The following ZNF813 variants were observed in gnomAD, a reference collection of about 807,000 sequenced individuals.
The protein encoded by ZNF813 is zinc finger protein 813.
A neutral mutation model predicts 7.2 loss-of-function variants in ZNF813; 3 were observed. The observed-to-expected ratio is 0.42, with a 90% CI of 0.19 to 1.08. The LOEUF is 1.08. Ranked by LOEUF, ZNF813 falls within the 50% of genes least tolerant of loss-of-function variation. The pLI, the probability that ZNF813 is intolerant of heterozygous loss-of-function variation, is 0.30. For missense variants in ZNF813, 714 were observed against 753.3 expected (o/e 0.95, Z 0.61); for synonymous variants, 227 against 256.3 (o/e 0.89, Z 1.09).
Position 53,486,685 on chromosome 19 carries a change from A to G in ZNF813, c.69A>G (p.Lys23=), listed in dbSNP as rs2086435623. 1.2e-6 allele frequency: 2 copies of G among 1,614,140 alleles called. No individual in the cohort carries two copies. Among genetic ancestry groups the G allele is most frequent in the East Asian group, 2.2e-5 (1 of 44,882 alleles). Residue 23 remains lysine, a synonymous_variant, in exon 3 of 4, where the codon AAA becomes AAG. Transcript: ENST00000396403. ...TAGAATTCTCTCAGGAGGAGTGGAA[A>G]TGCCTGGACCCTGCTCAGAGGACTC... ...VAIEFSQEEW[K]CLDPAQRTLY... is the part of the protein sequence containing the mutation.
At chr19:53,480,152 G>A in intron 1 of ZNF813, 2 of 760,074 alleles carry the variant, frequency 2.6e-6, no homozygotes, top group Non-Finnish European at 2.4e-6. Context: ...CCTGAGGCCA[G>A]CCTGCCCGAA....
chr19:53,482,712 G>GTTT (rs869250512), intron 1 of ZNF813, among the ~76,000 whole-genome samples: 2,193 of 89,020 alleles, frequency 0.025, 272 homozygotes, highest in East Asian at 0.035. Flanking sequence ...AATGCTTTTT[G>GTTT]TTTTTTTTTT....
intron 1 of ZNF813, among the ~76,000 whole-genome samples, chr19:53,471,350 G>C (rs912279394): frequency 6.6e-6 from 1 of 152,064 alleles, no homozygotes; most frequent in African/African-American, 2.4e-5. Context: ...CAGGAGAATG[G>C]GTTTGGATGA....
At chr19:53,485,006 C>T (rs2086425609) in intron 2 of ZNF813, among the ~76,000 whole-genome samples, 1 of 152,212 alleles carries the variant, frequency 6.6e-6, no homozygotes, top group Non-Finnish European at 1.5e-5. Context: ...CGTCCTCCAC[C>T]CTCCTTCCAG....
At chr19:53,472,416 G>A (rs2086363847) in intron 1 of ZNF813, among the ~76,000 whole-genome samples, 1 of 151,876 alleles carries the variant, frequency 6.6e-6, no homozygotes, top group Non-Finnish European at 1.5e-5. Context: ...TGCTGGACAA[G>A]CATCAAAATA....
chr19:53,486,589 A>T (rs17173219), intron 2 of ZNF813, 43 bp from the exon 3 acceptor site: 494,216 of 1,612,714 alleles, frequency 0.31, 76,283 homozygotes, highest in South Asian at 0.37. Context: ...GAAGATAAGA[A>T]CTCCTCCCAT....
At chr19:53,479,950 T>C in intron 1 of ZNF813, 1 of 783,738 alleles carries the variant, frequency 1.3e-6, no homozygotes, top group Non-Finnish European at 2.3e-6. Context: ...CAGAGACCCA[T>C]GCTGAGTTGG....
intron 1 of ZNF813, among the ~76,000 whole-genome samples, chr19:53,477,326 A>T (rs1015915735): frequency 6.6e-6 from 1 of 152,180 alleles, no homozygotes; most frequent in Admixed American, 6.6e-5. Flanking sequence ...ACGCTTGCAG[A>T]TGCCCTGTAT....
In ZNF813 at chr19:53,491,881, C is replaced by T. The variant is rs780114905; in HGVS notation, c.1649C>T (p.Pro550Leu). 1.9e-6 allele frequency: 3 copies of T among 1,613,272 alleles called. No homozygotes were observed. In the South Asian group the frequency reaches 3.3e-5, roughly 18 times the overall value. The change falls in exon 4 of 4, where the codon CCT (proline) becomes CTT (leucine). Residue 550 changes from proline to leucine, a missense_variant. Physicochemically the swap from Pro to Leu is moderately conservative, Grantham distance 98. Coordinates refer to ENST00000396403, the MANE Select transcript of ZNF813 (RefSeq NM_001004301.4). ...HHHRLHTGDK[P>L]YKCNECGKVF... is the part of the protein sequence containing the mutation. The stretch of plus-strand genomic sequence containing the variant: ...CATAGACTTCATACTGGAGATAAAC[C>T]TTACAAGTGTAATGAATGTGGCAAG...
chr19:53,487,404 C>G (rs1354914221), intron 3 of ZNF813, among the ~76,000 whole-genome samples: 1 of 151,996 alleles, frequency 6.6e-6, no homozygotes, highest in African/African-American at 2.4e-5. Context: ...TTCTTATTTA[C>G]TTTTTTTGTT....
rs1330214623 is a variant in ZNF813, at chr19:53,482,725, T to G, written c.-73-1025T>G. Among the ~76,000 whole-genome samples, 265 of 134,154 alleles carry G rather than the reference T, an allele frequency of 2.0e-3. 4 individuals are homozygous for G. The highest frequency in any genetic ancestry group is 6.1e-3 in the African/African-American group (207 of 34,182). 88.0% of individuals were successfully genotyped at this position (134,154 alleles called of 152,430 possible). ...GGAATGCTTTTTGTTTTTTTTTTTT[T>G]TTTTTTTTTTTTTTGAGAGACAGAA... On this transcript the variant is annotated intron_variant, in intron 1 of 3. Transcript: ENST00000396403.
At chr19:53,484,672 C>A (rs997851657) in intron 2 of ZNF813, among the ~76,000 whole-genome samples, 1 of 152,202 alleles carries the variant, frequency 6.6e-6, no homozygotes, top group African/African-American at 2.4e-5. Context: ...TCAAGTGATT[C>A]TCCTGCCTCA....
At position 53,486,617 on chromosome 19, in the gene ZNF813, G is replaced by A. The variant is rs774598717; in HGVS notation, c.16-15G>A. On this transcript the variant is annotated splice_polypyrimidine_tract_variant and intron_variant, in intron 2 of 3. Coordinates refer to ENST00000396403, the MANE Select transcript of ZNF813 (RefSeq NM_001004301.4). ...CCTCCCATAACAATTTCCTTAAAAT[G>A]TGTTTTCATTTCAGGGTCTATTGAC... is the stretch of plus-strand genomic sequence containing the variant. 1.2e-6 allele frequency: 2 copies of A among 1,613,938 alleles called. No individual in the cohort carries two copies. Among genetic ancestry groups the A allele is most frequent in the Non-Finnish European group, 1.7e-6 (2 of 1,179,916 alleles).
intron 1 of ZNF813, chr19:53,479,927 A>G (rs2086399511): frequency 6.0e-6 from 5 of 831,092 alleles, no homozygotes; most frequent in South Asian, 5.3e-5. Flanking sequence ...TCTTACTGAT[A>G]ATCTCGAGGA....
intron 1 of ZNF813, among the ~76,000 whole-genome samples, chr19:53,476,127 T>G (rs1329767542): frequency 6.6e-6 from 1 of 152,164 alleles, no homozygotes; most frequent in Non-Finnish European, 1.5e-5. Flanking sequence ...CACCTAGATA[T>G]ATGGAACCTC....
intron 3 of ZNF813, among the ~76,000 whole-genome samples, chr19:53,489,136 T>C (rs1001457501): frequency 6.6e-6 from 1 of 151,892 alleles, no homozygotes; most frequent in African/African-American, 2.4e-5. Context: ...CCTTCCCGAG[T>C]AGCTGGGATT....
chr19:53,477,527 A>T (rs2086387524), intron 1 of ZNF813, among the ~76,000 whole-genome samples: 1 of 152,048 alleles, frequency 6.6e-6, no homozygotes, highest in African/African-American at 2.4e-5. Flanking sequence ...TTGGTGCCTG[A>T]AAAAGGGGTT....
Position 53,492,970 on chromosome 19 carries a change from G to A in ZNF813, c.*884G>A, listed in dbSNP as rs991943475. The stretch of plus-strand genomic sequence containing the variant: ...GACGGAAATCTTACAAATGTCATCA[G>A]TGTGGCAAGGTTTTCAGTCTGACTT... On this transcript the variant is annotated 3_prime_UTR_variant, in exon 4 of 4. Transcript: ENST00000396403. 2.2e-6 allele frequency: 1 copy of A among 461,992 alleles called. No homozygotes were observed. Among genetic ancestry groups the A allele is most frequent in the Admixed American group, 2.5e-5 (1 of 40,808 alleles). 28.6% of individuals were successfully genotyped at this position (461,992 alleles called of 1,614,324 possible).
rs550942695 is a variant in ZNF813, at chr19:53,469,814, A to G, written c.-74+2025A>G. Among the ~76,000 whole-genome samples the G allele has an allele frequency of 7.9e-4, 107 of 135,264 alleles. 1 individual carries two copies. Among genetic ancestry groups the G allele is most frequent in the African/African-American group, 2.9e-3 (104 of 36,456 alleles). 88.7% of individuals were successfully genotyped at this position (135,264 alleles called of 152,430 possible). Reference sequence around the variant, plus strand: ...AGAGAGTGGGGACAGGGGGTATAACAGGGAAGAGAGAATTTAACGGGGAGA... The same window carrying G: ...AGAGAGTGGGGACAGGGGGTATAACGGGGAAGAGAGAATTTAACGGGGAGA... On this transcript the variant is annotated intron_variant, in intron 1 of 3. Transcript: ENST00000396403.
Sources: allele counts gnomAD v4.1 joint callset (sites outside exome capture counted in the v4.1 genomes callset), GRCh38; gene constraint gnomAD v4.1.1; transcripts MANE v1.5; gene names NCBI Gene and HGNC (gene_info 2026-07-23, HGNC 2026-07-21).